ADTRP: variants seen among roughly 807,000 people sequenced by gnomAD.
The protein encoded by ADTRP is androgen dependent TFPI regulating protein.
In ADTRP, 20 loss-of-function variants were observed where a neutral mutation model predicts 27.0. That is an observed-to-expected ratio of 0.74 (90% confidence interval 0.52 to 1.08). The LOEUF is 1.08. Ranked by LOEUF, ADTRP falls within the 50% of genes least tolerant of loss-of-function variation. The pLI, the probability that ADTRP is intolerant of heterozygous loss-of-function variation, is 0.00. For synonymous variants in ADTRP, 101 were observed against 105.2 expected, an observed-to-expected ratio of 0.96 and a Z score of 0.25; for missense variants, 251 against 275.0, an observed-to-expected ratio of 0.91 and a Z score of 0.62.
rs534947578 is a variant in ADTRP, at chr6:11,769,592, G to A, written c.154-1209C>T. On this transcript the variant is annotated intron_variant, in intron 1 of 5. Transcript: ENST00000414691. Reference sequence around the variant, plus strand: ...AGAAGCTTCTCCAGAGCTTGTTAAAGATTGTTTATCTGGGTGGGATGAGGG... The same window carrying A: ...AGAAGCTTCTCCAGAGCTTGTTAAAAATTGTTTATCTGGGTGGGATGAGGG... 8.5e-5 allele frequency among the ~76,000 whole-genome samples: 13 copies of A among 152,238 alleles called. No homozygotes were observed. In the East Asian group the frequency reaches 2.5e-3, roughly 29 times the overall value.
chr6:11,769,192 G>T (rs1581369371), intron 1 of ADTRP, among the ~76,000 whole-genome samples: 1 of 152,214 alleles, frequency 6.6e-6, no homozygotes, highest in African/African-American at 2.4e-5. Context: ...ATGGAGTTTG[G>T]GGGGTGGGGT....
At chr6:11,720,908 C>T (rs1655441027) in intron 5 of ADTRP, among the ~76,000 whole-genome samples, 1 of 152,124 alleles carries the variant, frequency 6.6e-6, no homozygotes, top group Admixed American at 6.5e-5. Context: ...GTACTTTACA[C>T]CTAGGAAAAA....
chr6:11,773,789 G>A (rs1481383722), intron 1 of ADTRP, among the ~76,000 whole-genome samples: 3 of 152,242 alleles, frequency 2.0e-5, no homozygotes, highest in African/African-American at 7.2e-5. Context: ...CACAGCCAGT[G>A]TTCTGGTTTC....
chr6:11,765,385 TG>T, intron 3 of ADTRP, among the ~76,000 whole-genome samples: 1 of 135,196 alleles, frequency 7.4e-6, no homozygotes, highest in East Asian at 2.4e-4. Flanking sequence ...TGAAGTGCAA[TG>T]GTGCGATCTT....
At chr6:11,768,977 G>A (rs1203153384) in intron 1 of ADTRP, among the ~76,000 whole-genome samples, 3 of 152,090 alleles carry the variant, frequency 2.0e-5, no homozygotes, top group Admixed American at 6.5e-5. Context: ...CAATCTGGCC[G>A]TGGCAGCAAT....
At chr6:11,723,642 C>T in intron 4 of ADTRP, 142 bp from the exon 5 acceptor site, 2 of 932,144 alleles carry the variant, frequency 2.1e-6, no homozygotes, top group East Asian at 2.5e-5. Context: ...AGTATTCCCA[C>T]AAACCTAAAG....
chr6:11,752,428 A>G (rs1176394370), intron 3 of ADTRP, among the ~76,000 whole-genome samples: 2 of 152,156 alleles, frequency 1.3e-5, no homozygotes, highest in Non-Finnish European at 2.9e-5. Flanking sequence ...AAGGTCATGG[A>G]TCAACAGGGT....
intron 1 of ADTRP, among the ~76,000 whole-genome samples, chr6:11,774,393 A>G (rs12204492): frequency 0.32 from 48,819 of 152,014 alleles, 9,282 homozygotes; most frequent in Non-Finnish European, 0.42. Context: ...AGTGGGTGCC[A>G]TACTATAAAT....
chr6:11,717,985 T>A (rs1761888177), intron 5 of ADTRP, among the ~76,000 whole-genome samples: 1 of 152,264 alleles, frequency 6.6e-6, no homozygotes, highest in Non-Finnish European at 1.5e-5. Context: ...AAACCTCATC[T>A]AATTCCTTCA....
chr6:11,772,720 T>C (rs899657152), intron 1 of ADTRP, among the ~76,000 whole-genome samples: 2 of 152,256 alleles, frequency 1.3e-5, no homozygotes, highest in African/African-American at 4.8e-5. Context: ...GGGGCTGTGA[T>C]GAGTCCTTTA....
chr6:11,742,836 T>G (rs940410871), intron 3 of ADTRP, among the ~76,000 whole-genome samples: 7 of 152,174 alleles, frequency 4.6e-5, no homozygotes, highest in African/African-American at 1.7e-4. Flanking sequence ...ACTCCAGAAG[T>G]ACCATTTTCC....
chr6:11,767,593 T>A (rs578058524), intron 2 of ADTRP: 1 of 152,358 alleles, frequency 6.6e-6, no homozygotes, highest in South Asian at 2.1e-4. Flanking sequence ...TTTATTTCCA[T>A]TCTAGCTAAC....
intron 3 of ADTRP, among the ~76,000 whole-genome samples, chr6:11,743,732 C>T (rs115244205): frequency 6.6e-6 from 1 of 152,298 alleles, no homozygotes; most frequent in Non-Finnish European, 1.5e-5. Flanking sequence ...ACATCAGTGA[C>T]ATTAATGAAC....
intron 3 of ADTRP, among the ~76,000 whole-genome samples, chr6:11,760,597 T>G (rs1350630694): frequency 6.6e-6 from 1 of 152,124 alleles, no homozygotes; most frequent in Non-Finnish European, 1.5e-5. Context: ...TTTATTAAAT[T>G]TAACTTTAAA....
Position 11,714,276 on chromosome 6 carries a change from A to T in ADTRP, c.*202T>A, listed in dbSNP as rs534527152. ...TGAGATAGCAGGAGTTGTTTTTGGCATGTGCAGTCAACCTTTCAAAAAACC... is the reference window on the plus strand; with the variant it reads ...TGAGATAGCAGGAGTTGTTTTTGGCTTGTGCAGTCAACCTTTCAAAAAACC... On this transcript the variant is annotated 3_prime_UTR_variant, in exon 6 of 6. Transcript: ENST00000414691. 2 of 581,366 alleles carry T rather than the reference A, an allele frequency of 3.4e-6. No homozygotes were observed. The highest frequency in any genetic ancestry group is 6.0e-6 in the Non-Finnish European group (2 of 332,808). 36.0% of individuals were successfully genotyped at this position (581,366 alleles called of 1,614,324 possible).
At chr6:11,777,472 G>A (rs567971923) in intron 1 of ADTRP, among the ~76,000 whole-genome samples, 37 of 104,278 alleles carry the variant, frequency 3.5e-4, no homozygotes, top group African/African-American at 1.1e-3. Context: ...GTATGCGCGT[G>A]TGTGTGTGTG....
chr6:11,741,393 A>G (rs1762710395), intron 3 of ADTRP, among the ~76,000 whole-genome samples: 6 of 152,246 alleles, frequency 3.9e-5, no homozygotes, highest in Non-Finnish European at 8.8e-5. Context: ...GAAATTTGTC[A>G]TAATAAGACA....
intron 3 of ADTRP, among the ~76,000 whole-genome samples, chr6:11,747,431 A>G (rs2113274976): frequency 6.6e-6 from 1 of 152,324 alleles, no homozygotes; most frequent in South Asian, 2.1e-4. Flanking sequence ...TTTAGCTTTC[A>G]AGCTGAATTT....
At chr6:11,733,758 C>T (rs1225125671) in intron 4 of ADTRP, among the ~76,000 whole-genome samples, 1 of 152,200 alleles carries the variant, frequency 6.6e-6, no homozygotes, top group Admixed American at 6.5e-5. Flanking sequence ...GGCTCCCATC[C>T]TGTGGCATTT....
Sources: gnomAD v4.1 joint callset for allele counts (sites outside exome capture counted in the v4.1 genomes callset) on GRCh38, gnomAD v4.1.1 for gene constraint, MANE v1.5 for transcripts, NCBI Gene and HGNC (gene_info 2026-07-23, HGNC 2026-07-21) for gene names.